WDR64: variants seen among roughly 807,000 people sequenced by gnomAD.
The protein encoded by WDR64 is WD repeat-containing protein 64.
WDR64 carries 112 observed loss-of-function variants against 139.3 expected under a neutral mutation model. The observed-to-expected ratio is 0.80, with a 90% CI of 0.69 to 0.94. The LOEUF (loss-of-function observed/expected upper bound fraction) is 0.94, where lower values mean the gene tolerates loss of function less well. WDR64 is among the 40% of genes least tolerant of loss of function. The probability of loss-of-function intolerance (pLI) is 0.00; values close to 1 mark genes in which losing one functional copy is unlikely to be tolerated. For missense variants in WDR64, 1,206 were observed against 1,293.1 expected, an observed-to-expected ratio of 0.93 and a Z score of 1.03; for synonymous variants, 444 against 437.7, an observed-to-expected ratio of 1.01 and a Z score of -0.18.
intron 22 of WDR64, among the ~76,000 whole-genome samples, chr1:241,781,792 T>C (rs923361963): frequency 6.6e-6 from 1 of 152,226 alleles, no homozygotes; most frequent in Non-Finnish European, 1.5e-5. Flanking sequence ...ACAGAATAGA[T>C]CATATTGATG....
chr1:241,782,181 G>A (rs948458374), intron 22 of WDR64, among the ~76,000 whole-genome samples: 6 of 152,314 alleles, frequency 3.9e-5, no homozygotes, highest in South Asian at 2.1e-4. Flanking sequence ...ACAGCTACTC[G>A]GGAGGCTGAG....
chr1:241,685,513 C>T (rs1666970535), intron 7 of WDR64, among the ~76,000 whole-genome samples: 1 of 151,934 alleles, frequency 6.6e-6, no homozygotes. Flanking sequence ...TTCTATAGGA[C>T]TTCAAAGAGG....
At chr1:241,783,177 A>G in intron 22 of WDR64, 95 bp from the exon 23 acceptor site, 1 of 1,081,038 alleles carries the variant, frequency 9.3e-7, no homozygotes, top group South Asian at 1.4e-5. Context: ...TCTTCCACTC[A>G]TAAGCTTGGC....
chr1:241,751,126 A>G (rs1669965640), intron 14 of WDR64, among the ~76,000 whole-genome samples: 1 of 152,156 alleles, frequency 6.6e-6, no homozygotes, highest in Non-Finnish European at 1.5e-5. Flanking sequence ...CATGTTCCAG[A>G]AGGATATTCC....
chr1:241,758,847 T>C (rs1420041301), intron 15 of WDR64, among the ~76,000 whole-genome samples: 1 of 152,098 alleles, frequency 6.6e-6, no homozygotes, highest in Non-Finnish European at 1.5e-5. Flanking sequence ...TAGTGGGAAA[T>C]AGTATTTTAA....
chr1:241,791,360 G>T (rs1311892084), intron 25 of WDR64, among the ~76,000 whole-genome samples: 1 of 152,146 alleles, frequency 6.6e-6, no homozygotes. Flanking sequence ...GACCCAGCAT[G>T]AAAAATTATC....
At position 241,719,784 on chromosome 1, in the gene WDR64, T is replaced by G. The variant is rs576681632; in HGVS notation, c.1055-3513T>G. ...AATTACTATTTTGGGTTTTAAAAAT[T>G]TATTTATTTTCTTTTTTTCCTTCAA... is the stretch of plus-strand genomic sequence containing the variant. On this transcript the variant is annotated intron_variant, in intron 9 of 27. Coordinates refer to ENST00000437684, the MANE Select transcript of WDR64 (RefSeq NM_001367482.1). Among the ~76,000 whole-genome samples, 36 of 135,008 alleles carry G rather than the reference T, an allele frequency of 2.7e-4. 1 individual carries two copies. Among genetic ancestry groups the G allele is most frequent in the Non-Finnish European group, 5.5e-4 (33 of 60,538 alleles). 88.6% of individuals were successfully genotyped at this position (135,008 alleles called of 152,430 possible).
intron 1 of WDR64, among the ~76,000 whole-genome samples, chr1:241,658,313 G>GTGTGTGTGTGTA (rs1491512365): frequency 6.6e-5 from 10 of 151,608 alleles, no homozygotes; most frequent in African/African-American, 1.9e-4. Flanking sequence ...GTGTGTGTGT[G>GTGTGTGTGTGTA]TATGTGTTTA....
chr1:241,734,203 T>G (rs765627511), intron 10 of WDR64, among the ~76,000 whole-genome samples: 10 of 152,132 alleles, frequency 6.6e-5, no homozygotes, highest in East Asian at 1.9e-4. Context: ...CCTTCCTGCT[T>G]GAGCTGTCCT....
intron 9 of WDR64, among the ~76,000 whole-genome samples, chr1:241,717,260 C>T (rs1360270918): frequency 6.6e-6 from 1 of 152,158 alleles, no homozygotes. Context: ...TGATGTCTCC[C>T]TCCGGAGCAC....
intron 13 of WDR64, among the ~76,000 whole-genome samples, chr1:241,747,544 G>A (rs1669808842): frequency 6.6e-6 from 1 of 152,092 alleles, no homozygotes; most frequent in Non-Finnish European, 1.5e-5. Flanking sequence ...CTTTAAATTT[G>A]TACATTAGTT....
rs1174070504 is a variant in WDR64 at position 241,735,819 on chromosome 1, TTCTATCTCTCTCTCTC to T, written c.1195-2540_1195-2525del. On this transcript the variant is annotated intron_variant, in intron 10 of 27. Coordinates refer to ENST00000437684, the MANE Select transcript of WDR64 (RefSeq NM_001367482.1). ...CACTGCTCCCAGCCTGTCCTTCTCT[TTCTATCTCTCTCTCTC>T]TCTCTCTCTCTCTCTCTCTCTGTGT... 1.3e-3 allele frequency among the ~76,000 whole-genome samples: 166 copies of T among 129,260 alleles called. 1 individual carries two copies. The highest frequency in any genetic ancestry group is 0.013 in the East Asian group (55 of 4,292). The allele number at this position is 129,260 out of a possible 152,430, so 84.8% of individuals were successfully genotyped here.
intron 9 of WDR64, among the ~76,000 whole-genome samples, chr1:241,716,728 C>T (rs1331512195): frequency 1.3e-5 from 2 of 152,078 alleles, no homozygotes; most frequent in Non-Finnish European, 2.9e-5. Context: ...GAGAGCTTCG[C>T]ATCTGTCCCT....
intron 9 of WDR64, among the ~76,000 whole-genome samples, chr1:241,722,023 A>C (rs1668630304): frequency 1.0e-5 from 1 of 98,724 alleles, no homozygotes; most frequent in Non-Finnish European, 2.2e-5. Flanking sequence ...TTTTTCATAA[A>C]ACTGTGTGTG....
chr1:241,735,819 T>TTC (rs761227702), intron 10 of WDR64, among the ~76,000 whole-genome samples: 15 of 129,168 alleles, frequency 1.2e-4, no homozygotes, highest in South Asian at 5.3e-4. Flanking sequence ...GTCCTTCTCT[T>TTC]TCTATCTCTC....
intron 15 of WDR64, among the ~76,000 whole-genome samples, chr1:241,765,313 G>T (rs892469252): frequency 1.3e-5 from 2 of 152,024 alleles, no homozygotes; most frequent in Non-Finnish European, 2.9e-5. Context: ...TGTAGGAGAG[G>T]ACTGGACTAG....
chr1:241,762,663 C>T (rs1393279756), intron 15 of WDR64, among the ~76,000 whole-genome samples: 1 of 151,862 alleles, frequency 6.6e-6, no homozygotes, highest in Non-Finnish European at 1.5e-5. Flanking sequence ...CTGCAAGTTA[C>T]AGCAGGAGCA....
Position 241,775,125 on chromosome 1 carries a change from G to A in WDR64, c.2451G>A (p.Met817Ile), listed in dbSNP as rs1256727214. Residue 817 changes from methionine to isoleucine, a missense_variant, in exon 21 of 28, where the codon ATG becomes ATA. Transcript: ENST00000437684. ...TTTAGGGAAGACTACTGAAAGATAT[G>A]CTACCTTTCACAAAACATTCTGCCA... is the stretch of plus-strand genomic sequence containing the variant. ...WTLEGRLLKD[M>I]LPFTKHSAIS... 1 of 1,550,518 alleles carries A rather than the reference G, an allele frequency of 6.4e-7. No homozygotes were observed. The highest frequency in any genetic ancestry group is 8.7e-7 in the Non-Finnish European group (1 of 1,146,488).
intron 8 of WDR64, among the ~76,000 whole-genome samples, chr1:241,699,028 A>C (rs1667604713): frequency 6.6e-6 from 1 of 152,130 alleles, no homozygotes; most frequent in Admixed American, 6.5e-5. Context: ...GAAACCATCA[A>C]ATCTCATGAG....
Sources: gnomAD v4.1 joint callset for allele counts (sites outside exome capture counted in the v4.1 genomes callset) on GRCh38, gnomAD v4.1.1 for gene constraint, MANE v1.5 for transcripts, NCBI Gene and HGNC (gene_info 2026-07-23, HGNC 2026-07-21) for gene names.